ST3GAL4: variants seen among roughly 807,000 people sequenced by gnomAD.
ST3GAL4 encodes the protein CMP-N-acetylneuraminate-beta-galactosamide-alpha-2,3-sialyltransferase 4.
A neutral mutation model predicts 42.6 loss-of-function variants in ST3GAL4; 24 were observed. The observed-to-expected ratio is 0.56, with a 90% CI of 0.41 to 0.79. ST3GAL4 has a LOEUF of 0.79. ST3GAL4 is among the 30% of genes least tolerant of loss of function. The probability of loss-of-function intolerance (pLI) is 0.00; values close to 1 mark genes in which losing one functional copy is unlikely to be tolerated. For synonymous variants in ST3GAL4, 135 were observed against 163.2 expected (o/e 0.83, Z 1.32); for missense variants, 311 against 430.8 (o/e 0.72, Z 2.46).
rs144004771 is a variant in ST3GAL4, at chr11:126,411,384, C to T, written c.771+1973C>T. Among the ~76,000 whole-genome samples, 11 of 152,186 alleles carry T rather than the reference C, an allele frequency of 7.2e-5. 1 individual carries two copies. The East Asian group carries it at 1.2e-3, about 16-fold the overall frequency. ...AACTCCTGACCTTAGGTGATCTACC[C>T]GCCTCGGCCTCCCAAAGTGCTGGGA... On this transcript the variant is annotated intron_variant, in intron 9 of 10. Coordinates refer to ENST00000444328, the MANE Select transcript of ST3GAL4 (RefSeq NM_001254757.2). The surrounding 1 kb of genome is among the most constrained non-coding windows in gnomAD (Gnocchi z 6.3).
intron 1 of ST3GAL4, among the ~76,000 whole-genome samples, chr11:126,399,166 A>G (rs926580341): frequency 1.3e-5 from 2 of 152,116 alleles, no homozygotes; most frequent in African/African-American, 2.4e-5. Flanking sequence ...AAACTATCAA[A>G]CGGTAACATG....
Position 126,397,853 on chromosome 11 carries a change from A to T in ST3GAL4, c.-60-8243A>T, listed in dbSNP as rs979590816. Among the ~76,000 whole-genome samples, 2 of 152,138 alleles carry T rather than the reference A, an allele frequency of 1.3e-5. No homozygotes were observed. Among genetic ancestry groups the T allele is most frequent in the African/African-American group, 4.8e-5 (2 of 41,422 alleles). ...CTCCTGTAATAATGGCATTAAACCC[A>T]TTCATGAGAACAGAGCCCTTGACCC... On this transcript the variant is annotated intron_variant, in intron 1 of 10. Coordinates refer to ENST00000444328, the MANE Select transcript of ST3GAL4 (RefSeq NM_001254757.2). This position sits in a 1 kb window ranked among gnomAD's most constrained non-coding sequence, Gnocchi z 5.0.
Position 126,378,496 on chromosome 11 carries a change from C to T in ST3GAL4, c.-61+22654C>T, listed in dbSNP as rs1471921107. On this transcript the variant is annotated intron_variant, in intron 1 of 10. Coordinates refer to ENST00000444328, the MANE Select transcript of ST3GAL4 (RefSeq NM_001254757.2). The surrounding 1 kb of genome is among the most constrained non-coding windows in gnomAD (Gnocchi z 5.3). ...CAATCTTGGCTCACTGCAACCTCTGCTTCCCGGGTTCATGCGATTCTCCTG... is the reference window on the plus strand; with the variant it reads ...CAATCTTGGCTCACTGCAACCTCTGTTTCCCGGGTTCATGCGATTCTCCTG... Among the ~76,000 whole-genome samples the T allele has an allele frequency of 1.3e-5, 2 of 152,170 alleles. No individual in the cohort carries two copies. The highest frequency in any genetic ancestry group is 2.4e-5 in the African/African-American group (1 of 41,440).
At chr11:126,372,263 T>A (rs1952683737) in intron 1 of ST3GAL4, among the ~76,000 whole-genome samples, 1 of 152,220 alleles carries the variant, frequency 6.6e-6, no homozygotes, top group Non-Finnish European at 1.5e-5. Context: ...GCTTTCTGTG[T>A]CTATGAGTTT....
intron 1 of ST3GAL4, among the ~76,000 whole-genome samples, chr11:126,372,418 C>CTT (rs576229954): frequency 9.1e-5 from 13 of 143,312 alleles, no homozygotes; most frequent in East Asian, 4.0e-4. Context: ...CTTTTCTTTT[C>CTT]TTTTTTTTTT....
rs1233217878 is a variant in ST3GAL4 at position 126,366,104 on chromosome 11, C to G, written c.-61+10262C>G. Among the ~76,000 whole-genome samples, 3 of 152,196 alleles carry G rather than the reference C, an allele frequency of 2.0e-5. No homozygotes were observed. The highest frequency in any genetic ancestry group is 4.4e-5 in the Non-Finnish European group (3 of 68,032). ...GGAACGAGGTTCCTGAGGGCTGGCA[C>G]AGCCACTCCCTGCCCCTTAGAGGCT... On this transcript the variant is annotated intron_variant, in intron 1 of 10. Coordinates refer to ENST00000444328, the MANE Select transcript of ST3GAL4 (RefSeq NM_001254757.2). This position sits in a 1 kb window ranked among gnomAD's most constrained non-coding sequence, Gnocchi z 4.2.
intron 1 of ST3GAL4, among the ~76,000 whole-genome samples, chr11:126,389,737 A>T (rs984210493): frequency 2.0e-5 from 3 of 152,022 alleles, no homozygotes; most frequent in African/African-American, 7.2e-5. Context: ...AAGCCCAGCT[A>T]AGTTGTTTAT....
rs1052364297 is a variant in ST3GAL4 at position 126,378,989 on chromosome 11, T to C, written c.-61+23147T>C. On this transcript the variant is annotated intron_variant, in intron 1 of 10. Coordinates refer to ENST00000444328, the MANE Select transcript of ST3GAL4 (RefSeq NM_001254757.2). This position sits in a 1 kb window ranked among gnomAD's most constrained non-coding sequence, Gnocchi z 5.3. ...CATTCATGTTTTCTGTGCGTAGAGA[T>C]AAGTTACCATTAATGACATCAATCG... is the stretch of plus-strand genomic sequence containing the variant. 5.9e-5 allele frequency among the ~76,000 whole-genome samples: 9 copies of C among 152,198 alleles called. No homozygotes were observed. The highest frequency in any genetic ancestry group is 1.3e-4 in the Non-Finnish European group (9 of 68,036).
intron 1 of ST3GAL4, chr11:126,403,601 G>A (rs1181315473): frequency 4.0e-6 from 1 of 249,508 alleles, no homozygotes; most frequent in African/African-American, 2.3e-5. Context: ...AGCTCCTCAG[G>A]TCATTGCATT....
At chr11:126,390,043 C>T (rs562890310) in intron 1 of ST3GAL4, among the ~76,000 whole-genome samples, 24 of 108,326 alleles carry the variant, frequency 2.2e-4, no homozygotes, top group Admixed American at 1.2e-3. Flanking sequence ...ATTAGCTGGG[C>T]GCGGTGGGGG....
chr11:126,408,631 A>G (rs753697352), intron 8 of ST3GAL4, 135 bp downstream of exon 8: 21 of 1,069,232 alleles, frequency 2.0e-5, no homozygotes, highest in Non-Finnish European at 2.5e-5. Context: ...GGCTCCCGGA[A>G]GTCAGCGCCT....
At chr11:126,399,832 T>C (rs897390792) in intron 1 of ST3GAL4, among the ~76,000 whole-genome samples, 2 of 152,214 alleles carry the variant, frequency 1.3e-5, no homozygotes, top group African/African-American at 2.4e-5. Flanking sequence ...ATGACTGTTA[T>C]GCCAGTTTCC....
chr11:126,380,799 T>A (rs113060357), intron 1 of ST3GAL4, among the ~76,000 whole-genome samples: 1 of 152,188 alleles, frequency 6.6e-6, no homozygotes, highest in African/African-American at 2.4e-5. Context: ...GGAGCTTCCC[T>A]GACTGGTGAC....
intron 1 of ST3GAL4, among the ~76,000 whole-genome samples, chr11:126,401,434 G>C (rs1953985798): frequency 6.6e-6 from 1 of 152,010 alleles, no homozygotes; most frequent in Admixed American, 6.6e-5. Context: ...CAGGCATGGT[G>C]GTGGGTGCCT....
chr11:126,413,786 C>A, intron 10 of ST3GAL4, 138 bp downstream of exon 10: 2 of 1,430,398 alleles, frequency 1.4e-6, no homozygotes, highest in East Asian at 2.4e-5. Flanking sequence ...CACCTGGACT[C>A]CCTGGCCAGC....
chr11:126,374,947 C>T (rs544454151), intron 1 of ST3GAL4: 3 of 152,108 alleles, frequency 2.0e-5, no homozygotes, highest in East Asian at 3.9e-4. Flanking sequence ...CCCTCTAGAA[C>T]GTGGGCAGCG....
At chr11:126,368,193 G>A (rs994347236) in intron 1 of ST3GAL4, among the ~76,000 whole-genome samples, 1 of 150,534 alleles carries the variant, frequency 6.6e-6, no homozygotes, top group Non-Finnish European at 1.5e-5. Context: ...CACAGCCCCA[G>A]GGATGATTTT....
intron 1 of ST3GAL4, among the ~76,000 whole-genome samples, chr11:126,380,913 G>A (rs1952974609): frequency 6.6e-6 from 1 of 152,228 alleles, no homozygotes; most frequent in Admixed American, 6.5e-5. Context: ...ATCCAGGTGA[G>A]CACACAACAG....
chr11:126,390,618 C>CTTTTTTTTTTTTTTTTTT (rs58153137), intron 1 of ST3GAL4, among the ~76,000 whole-genome samples: 53 of 126,632 alleles, frequency 4.2e-4, no homozygotes, highest in Middle Eastern at 4.4e-3. Flanking sequence ...GTGTTCTTTG[C>CTTTTTTTTTTTTTTTTTT]TTTTTTTTTT....
Sources: gnomAD v4.1 joint callset for allele counts (sites outside exome capture counted in the v4.1 genomes callset) on GRCh38, gnomAD v4.1.1 for gene constraint, Gnocchi (gnomAD v3.1) non-coding constraint, MANE v1.5 for transcripts, NCBI Gene and HGNC (gene_info 2026-07-23, HGNC 2026-07-21) for gene names.